R3HDM1: variants seen among roughly 807,000 people sequenced by gnomAD.
R3HDM1 encodes R3H domain containing 1.
Under a neutral mutation model 141.1 loss-of-function variants are expected in R3HDM1, and 46 were observed. The ratio of observed to expected loss-of-function variants is 0.33; its 90% CI spans 0.26 to 0.42. The LOEUF is 0.42. Ranked by LOEUF, R3HDM1 falls within the 10% of genes least tolerant of loss-of-function variation. The probability of loss-of-function intolerance (pLI) is 1.00; values close to 1 mark genes in which losing one functional copy is unlikely to be tolerated. For synonymous variants in R3HDM1, 435 were observed against 472.9 expected (o/e 0.92, Z 1.04); for missense variants, 1,184 against 1,368.3 (o/e 0.87, Z 2.12).
chr2:135,553,981 C>A (rs563365940), intron 1 of R3HDM1, among the ~76,000 whole-genome samples: 1 of 152,264 alleles, frequency 6.6e-6, no homozygotes, highest in Non-Finnish European at 1.5e-5. Flanking sequence ...TGAGCCACGA[C>A]GCTCAGCCTC....
chr2:135,723,453 C>T (rs997376973), intron 26 of R3HDM1, among the ~76,000 whole-genome samples: 21 of 151,724 alleles, frequency 1.4e-4, no homozygotes, highest in Non-Finnish European at 2.8e-4. Context: ...CCTTGCCTAT[C>T]GGGTAAGTAG....
At chr2:135,580,831 C>G (rs1706643476) in intron 1 of R3HDM1, among the ~76,000 whole-genome samples, 1 of 152,226 alleles carries the variant, frequency 6.6e-6, no homozygotes. Context: ...GAGTTACTTT[C>G]AGATCCACTC....
chr2:135,587,207 C>T (rs184779988), intron 1 of R3HDM1, among the ~76,000 whole-genome samples: 102 of 152,246 alleles, frequency 6.7e-4, no homozygotes, highest in African/African-American at 2.4e-3. Flanking sequence ...TTTGATTCCT[C>T]AAAAGTGAAA....
At chr2:135,605,988 AT>A (rs60148109) in intron 3 of R3HDM1, 3 of 150,698 alleles carry the variant, frequency 2.0e-5, no homozygotes, top group South Asian at 2.1e-4. Context: ...CTGGCCCACA[AT>A]TTTTTTTTTA....
intron 21 of R3HDM1, among the ~76,000 whole-genome samples, chr2:135,696,714 C>A (rs2073305566): frequency 6.6e-6 from 1 of 152,108 alleles, no homozygotes; most frequent in Non-Finnish European, 1.5e-5. Context: ...TGGTGTCGAA[C>A]TTTTGGGCTC....
At chr2:135,567,297 A>G (rs2104980887) in intron 1 of R3HDM1, among the ~76,000 whole-genome samples, 1 of 152,322 alleles carries the variant, frequency 6.6e-6, no homozygotes, top group African/African-American at 2.4e-5. Context: ...CCTTGGAATT[A>G]TACACCCAGG....
intron 21 of R3HDM1, among the ~76,000 whole-genome samples, chr2:135,686,277 AT>A (rs926760752): frequency 6.6e-6 from 1 of 152,272 alleles, no homozygotes; most frequent in African/African-American, 2.4e-5. Context: ...CCTAAAAAAA[AT>A]AAAAATAGAA....
At chr2:135,662,298 T>A (rs2066829798) in intron 19 of R3HDM1, among the ~76,000 whole-genome samples, 1 of 152,238 alleles carries the variant, frequency 6.6e-6, no homozygotes, top group Admixed American at 6.5e-5. Context: ...CTTGATATTG[T>A]GTGAAACTCG....
intron 14 of R3HDM1, among the ~76,000 whole-genome samples, chr2:135,640,098 C>CAA (rs909774063): frequency 8.6e-5 from 6 of 69,886 alleles, no homozygotes; most frequent in African/African-American, 1.7e-4. Context: ...GACTCCGTCT[C>CAA]AAAAAAAAAA....
intron 1 of R3HDM1, among the ~76,000 whole-genome samples, chr2:135,559,926 A>T: frequency 6.6e-6 from 1 of 152,234 alleles, no homozygotes; most frequent in East Asian, 1.9e-4. Flanking sequence ...CGCAGTAGAT[A>T]GAGTTGAACA....
chr2:135,621,857 C>T, intron 6 of R3HDM1: 2 of 980,600 alleles, frequency 2.0e-6, no homozygotes, highest in South Asian at 4.7e-5. Flanking sequence ...ACTGGTCCCT[C>T]ACTCATAGTA....
intron 1 of R3HDM1, chr2:135,536,864 A>G (rs1244561459): frequency 3.2e-6 from 1 of 310,376 alleles, no homozygotes; most frequent in East Asian, 1.7e-4. Context: ...ATAGGATTGC[A>G]AACCTTACTG....
At chr2:135,630,869 T>TA (rs1321332525) in intron 7 of R3HDM1, among the ~76,000 whole-genome samples, 2 of 152,132 alleles carry the variant, frequency 1.3e-5, no homozygotes, top group Admixed American at 1.3e-4. Context: ...AGAGCCATGT[T>TA]ATGGGTGTGT....
intron 21 of R3HDM1, among the ~76,000 whole-genome samples, chr2:135,681,020 C>A (rs916594403): frequency 6.6e-6 from 1 of 152,096 alleles, no homozygotes; most frequent in African/African-American, 2.4e-5. Flanking sequence ...TTGGGAAGCT[C>A]ATTTTTCATC....
intron 15 of R3HDM1, among the ~76,000 whole-genome samples, chr2:135,644,359 C>T (rs1050688319): frequency 2.0e-5 from 3 of 151,796 alleles, no homozygotes; most frequent in Non-Finnish European, 2.9e-5. Flanking sequence ...AAAAATTAGC[C>T]GGGCGTGGTG....
At chr2:135,630,056 TAA>T (rs766956798) in intron 7 of R3HDM1, among the ~76,000 whole-genome samples, 1 of 133,880 alleles carries the variant, frequency 7.5e-6, no homozygotes, top group African/African-American at 2.7e-5. Context: ...AAGGATGATT[TAA>T]AAAAAAAAAA....
chr2:135,650,298 C>CT, intron 17 of R3HDM1: 3 of 985,414 alleles, frequency 3.0e-6, no homozygotes, highest in Non-Finnish European at 3.6e-6. Flanking sequence ...ATTGAGGCCA[C>CT]TGCAGGATCT....
intron 19 of R3HDM1, chr2:135,666,980 G>GA (rs1201400180): frequency 6.3e-5 from 29 of 461,814 alleles, no homozygotes; most frequent in South Asian, 1.9e-4. Flanking sequence ...GCACAGTCTG[G>GA]AAAAAAAATT....
chr2:135,669,580 ACTTTTT>A (rs1246888608), intron 19 of R3HDM1: 1 of 985,110 alleles, frequency 1.0e-6, no homozygotes, highest in African/African-American at 1.7e-5. Context: ...TTACTGTAAT[ACTTTTT>A]CTTCTTCAAC....
Sources: gnomAD v4.1 joint callset for allele counts (sites outside exome capture counted in the v4.1 genomes callset) on GRCh38, gnomAD v4.1.1 for gene constraint, MANE v1.5 for transcripts, NCBI Gene and HGNC (gene_info 2026-07-23, HGNC 2026-07-21) for gene names.